The following CDKL5 variants were observed in gnomAD, a reference collection of about 807,000 sequenced individuals.
The protein encoded by CDKL5 is cyclin-dependent kinase-like 5.
Under a neutral mutation model 61.7 loss-of-function variants are expected in CDKL5, and 8 were observed. That is an observed-to-expected ratio of 0.13 (90% confidence interval 0.08 to 0.23). The LOEUF is 0.23. Among genes scored for constraint, CDKL5 ranks in the 10% least tolerant of loss-of-function variants. CDKL5 has a pLI of 1.00. For synonymous variants in CDKL5, 275 were observed against 272.3 expected, an observed-to-expected ratio of 1.01 and a Z score of -0.10; for missense variants, 440 against 734.5, an observed-to-expected ratio of 0.60 and a Z score of 4.63.
At chrX:18,574,966 C>T (rs1925248107) in intron 4 of CDKL5, among the ~76,000 whole-genome samples, 2 of 111,998 alleles carry the variant, frequency 1.8e-5, no homozygotes, top group Admixed American at 1.9e-4. Flanking sequence ...TTCCTTATGG[C>T]CCTTTTAATC....
At chrX:18,465,617 C>T (rs962756969) in intron 1 of CDKL5, among the ~76,000 whole-genome samples, 1 of 111,064 alleles carries the variant, frequency 9.0e-6, no homozygotes, top group African/African-American at 3.3e-5. Flanking sequence ...TGCAGTCAGC[C>T]GAGATTGTGC....
chrX:18,653,472 G>A lies in CDKL5; in HGVS notation c.3021G>A (p.Leu1007=), dbSNP rs1183803130. Residue 1007 remains leucine, a synonymous_variant, in exon 22 of 22, where the codon CTG becomes CTA. Transcript: ENST00000379989. ...TGAGACACGTTATGAGGGAAGCCCT[G>A]ATTCACAGGGCCCAGGTAAACCAAG... The A allele has an allele frequency of 1.7e-6, 2 of 1,211,542 alleles. No homozygotes were observed. The highest frequency in any genetic ancestry group is 3.5e-5 in the South Asian group (2 of 56,988).
intron 5 of CDKL5, among the ~76,000 whole-genome samples, chrX:18,577,804 G>C: frequency 8.9e-6 from 1 of 112,284 alleles, no homozygotes; most frequent in South Asian, 3.7e-4. Flanking sequence ...TGTGAAACAA[G>C]AGATACAATT....
intron 1 of CDKL5, among the ~76,000 whole-genome samples, chrX:18,449,390 C>T (rs988155422): frequency 1.8e-5 from 2 of 112,187 alleles, no homozygotes; most frequent in African/African-American, 3.2e-5. Context: ...TGGGTTTCCC[C>T]CTTTTCTCTA....
intron 1 of CDKL5, among the ~76,000 whole-genome samples, chrX:18,438,895 C>CT (rs1931670270): frequency 9.1e-6 from 1 of 109,936 alleles, no homozygotes; most frequent in Non-Finnish European, 1.9e-5. Context: ...TGCTTTGATG[C>CT]TTGTACCCTA....
chrX:18,646,217 A>G, intron 20 of CDKL5: 1 of 1,037,765 alleles, frequency 9.6e-7, no homozygotes, highest in Non-Finnish European at 1.3e-6. Flanking sequence ...AGTGGCACAC[A>G]ATCTCGGCTC....
chrX:18,525,912 A>G (rs1407091312), intron 3 of CDKL5, among the ~76,000 whole-genome samples: 2 of 110,102 alleles, frequency 1.8e-5, no homozygotes, highest in Admixed American at 9.6e-5. Flanking sequence ...ACGCCTGGCT[A>G]ATTTTTGTAT....
At chrX:18,628,329 C>G in intron 17 of CDKL5, 42 bp from the exon 18 acceptor site, 1 of 1,194,309 alleles carries the variant, frequency 8.4e-7, no homozygotes, top group South Asian at 1.8e-5. Context: ...CTTATGGTCG[C>G]TCTAACTTGA....
In CDKL5 at chrX:18,509,211, A is replaced by G. The variant is rs1298705102; in HGVS notation, c.65-1609A>G. Among the ~76,000 whole-genome samples, 18 of 98,871 alleles carry G rather than the reference A, an allele frequency of 1.8e-4. No individual in the cohort carries two copies. The East Asian group carries it at 2.2e-3, about 12-fold the overall frequency. The allele number at this position is 98,871 out of a possible 115,157, so 85.9% of individuals were successfully genotyped here. A position where few individuals can be genotyped will look rare whatever the true frequency, so the allele number is the denominator to read the frequency against. On this transcript the variant is annotated intron_variant, in intron 2 of 17. Transcript: ENST00000623535. ...TCTCAAAACACGCACACACACACACACACACACACACACACACACACACAC... is the reference window on the plus strand; with the variant it reads ...TCTCAAAACACGCACACACACACACGCACACACACACACACACACACACAC...
Position 18,529,289 on chromosome X carries a change from A to G in CDKL5, c.99+18435A>G, listed in dbSNP as rs1272392295. Among the ~76,000 whole-genome samples the G allele has an allele frequency of 2.8e-5, 3 of 108,241 alleles. No homozygotes were observed. The Admixed American group carries it at 3.0e-4, about 11-fold the overall frequency. 94.0% of individuals were successfully genotyped at this position (108,241 alleles called of 115,157 possible). On this transcript the variant is annotated intron_variant, in intron 3 of 17. Coordinates refer to ENST00000623535, the MANE Select transcript of CDKL5 (RefSeq NM_001323289.2). ...ATACTGCTTCTTGAGGAGTGTAGGT[A>G]ACTTTTACTAGAATTTTTGAACTCC... is the stretch of plus-strand genomic sequence containing the variant.
chrX:18,459,698 CTTTTTTTTT>C (rs756249968), intron 1 of CDKL5, among the ~76,000 whole-genome samples: 31 of 53,575 alleles, frequency 5.8e-4, no homozygotes, highest in African/African-American at 2.2e-3. Flanking sequence ...AGCTTTCTTT[CTTTTTTTTT>C]TTTTTTTTTT....
chrX:18,625,216 G>T lies in CDKL5; in HGVS notation c.2465G>T (p.Arg822Leu). 2.5e-6 allele frequency: 3 copies of T among 1,207,817 alleles called. No homozygotes were observed. The highest frequency in any genetic ancestry group is 3.4e-6 in the Non-Finnish European group (3 of 893,841). ...STPSSRPKEW[R>L]PEKISDLQTQ... Reference sequence around the variant, plus strand: ...CCAAGCAGCAGACCAAAGGAGTGGCGCCCCGAGAAGATCTCAGATCTGCAG... The same window carrying T: ...CCAAGCAGCAGACCAAAGGAGTGGCTCCCCGAGAAGATCTCAGATCTGCAG... The change falls in exon 17 of 18, where the codon CGC becomes CTC. Residue 822 changes from arginine (R) to leucine (L), a missense_variant. By Grantham distance (102) the Arg-to-Leu change is moderately radical. Transcript: ENST00000623535.
At chrX:18,619,050 A>G (rs1419761199) in intron 15 of CDKL5, among the ~76,000 whole-genome samples, 1 of 111,203 alleles carries the variant, frequency 9.0e-6, no homozygotes, top group Admixed American at 9.6e-5. Context: ...CTGGCTTTCA[A>G]AATTATAAAT....
intron 1 of CDKL5, chrX:18,443,840 T>C (rs1183088927): frequency 1.8e-5 from 2 of 111,552 alleles, no homozygotes; most frequent in Non-Finnish European, 3.8e-5. Flanking sequence ...ACTCCTGGCT[T>C]CAAGTGATCC....
intron 3 of CDKL5, among the ~76,000 whole-genome samples, chrX:18,513,402 CTT>C (rs1922895517): frequency 9.1e-6 from 1 of 109,971 alleles, no homozygotes; most frequent in Admixed American, 9.7e-5. Flanking sequence ...GTGTAGGGAA[CTT>C]TGAATTACAA....
intron 3 of CDKL5, among the ~76,000 whole-genome samples, chrX:18,519,103 C>T (rs777973553): frequency 3.6e-5 from 4 of 111,250 alleles, no homozygotes; most frequent in African/African-American, 9.8e-5. Context: ...AAGTCATTGC[C>T]GTTAAGACTC....
At chrX:18,431,137 A>G (rs1017882934) in intron 1 of CDKL5, among the ~76,000 whole-genome samples, 1 of 111,568 alleles carries the variant, frequency 9.0e-6, no homozygotes, top group South Asian at 3.8e-4. Flanking sequence ...TGTTGGGACT[A>G]CAGGCATGAG....
At chrX:18,526,184 A>G (rs1923434966) in intron 3 of CDKL5, among the ~76,000 whole-genome samples, 1 of 112,372 alleles carries the variant, frequency 8.9e-6, no homozygotes, top group South Asian at 3.6e-4. Context: ...CCTTAGCACT[A>G]TTTTTGGGGT....
chrX:18,568,281 A>G (rs568407438), intron 4 of CDKL5, among the ~76,000 whole-genome samples: 1 of 112,333 alleles, frequency 8.9e-6, no homozygotes, highest in Non-Finnish European at 1.9e-5. Flanking sequence ...AAATTCATAT[A>G]TATTCACAAA....
Sources: gnomAD v4.1 joint callset for allele counts (sites outside exome capture counted in the v4.1 genomes callset) on GRCh38, gnomAD v4.1.1 for gene constraint, MANE v1.5 for transcripts, NCBI Gene and HGNC (gene_info 2026-07-23, HGNC 2026-07-21) for gene names.